Variants in SHISA9 observed in about 807,000 individuals in gnomAD.
SHISA9 encodes the protein protein shisa-9.
Under a neutral mutation model 38.0 loss-of-function variants are expected in SHISA9, and 13 were observed. The observed-to-expected ratio is 0.34, with a 90% CI of 0.22 to 0.54. The LOEUF is 0.54. Ranked by LOEUF, SHISA9 falls within the 20% of genes least tolerant of loss-of-function variation. The probability of loss-of-function intolerance (pLI) is 0.91; values close to 1 mark genes in which losing one functional copy is unlikely to be tolerated. For missense variants in SHISA9, 538 were observed against 575.8 expected (o/e 0.93, Z 0.67); for synonymous variants, 275 against 242.0 (o/e 1.14, Z -1.27).
intron 2 of SHISA9, among the ~76,000 whole-genome samples, chr16:13,117,586 C>T (rs2074042659): frequency 6.6e-6 from 1 of 152,126 alleles, no homozygotes. Context: ...AGAAGAGAGA[C>T]ATGCAGAGAA....
At chr16:13,206,611 A>G (rs2051066424) in intron 3 of SHISA9, among the ~76,000 whole-genome samples, 1 of 152,232 alleles carries the variant, frequency 6.6e-6, no homozygotes, top group Admixed American at 6.5e-5. Flanking sequence ...TGATCTCTTA[A>G]GATTTCCAGA....
chr16:13,358,298 G>A, the SHISA9 span, among the ~76,000 whole-genome samples: 1 of 152,128 alleles, frequency 6.6e-6, no homozygotes, highest in South Asian at 2.1e-4. Flanking sequence ...GGTTTTGAGT[G>A]AGATACCTGT....
rs1445469357 is a variant in SHISA9 at position 12,908,535 on chromosome 16, C to A, written c.563+5908C>A. On this transcript the variant is annotated intron_variant, in intron 1 of 4. Coordinates refer to ENST00000558583, the MANE Select transcript of SHISA9 (RefSeq NM_001145204.3). ...CAGATTTCTTTCCAAGAGGACGAACCTGCCCCTGGAGAGTGGAGTGTCGGA... is the reference window on the plus strand; with the variant it reads ...CAGATTTCTTTCCAAGAGGACGAACATGCCCCTGGAGAGTGGAGTGTCGGA... The A allele has an allele frequency of 9.7e-6, 15 of 1,551,898 alleles. No individual in the cohort carries two copies. In the Admixed American group the frequency reaches 2.2e-4, roughly 22 times the overall value.
chr16:13,409,041 T>C, the SHISA9 span, among the ~76,000 whole-genome samples: 2 of 152,080 alleles, frequency 1.3e-5, no homozygotes, highest in Non-Finnish European at 2.9e-5. Context: ...AACCCCAGGC[T>C]CCGGAAGCAG....
chr16:13,275,361 A>G, the SHISA9 span, among the ~76,000 whole-genome samples: 2 of 152,128 alleles, frequency 1.3e-5, no homozygotes, highest in African/African-American at 4.8e-5. Flanking sequence ...TGTTTTAGTA[A>G]TTAAGTCTAA....
chr16:13,521,379 T>C, the SHISA9 span, among the ~76,000 whole-genome samples: 2 of 152,232 alleles, frequency 1.3e-5, no homozygotes, highest in African/African-American at 4.8e-5. Flanking sequence ...AAAACCCCTA[T>C]ACTTTATACA....
Position 12,967,183 on chromosome 16 carries a change from GATTAAGAA to G in SHISA9, c.691+50370_691+50377del, listed in dbSNP as rs1444172707. Among the ~76,000 whole-genome samples, 190 of 152,188 alleles carry G rather than the reference GATTAAGAA, an allele frequency of 1.2e-3. 2 individuals carry two copies. Among genetic ancestry groups the G allele is most frequent in the Non-Finnish European group, 4.3e-4 (29 of 68,046 alleles). On this transcript the variant is annotated intron_variant, in intron 2 of 4. Transcript: ENST00000558583. ...CCAAATGTCCATCAATGATAGACTGGATTAAGAAAATGTGGCACATATACGCCATGGAA... is the reference window on the plus strand; with the variant it reads ...CCAAATGTCCATCAATGATAGACTGGAATGTGGCACATATACGCCATGGAA...
At chr16:13,222,453 AC>A (rs1425943120) in intron 4 of SHISA9, among the ~76,000 whole-genome samples, 11 of 152,132 alleles carry the variant, frequency 7.2e-5, no homozygotes, top group Non-Finnish European at 1.2e-4. Flanking sequence ...AAGAGAGGAG[AC>A]CTAGAACAAG....
At chr16:13,339,716 A>G in the SHISA9 span, among the ~76,000 whole-genome samples, 1 of 152,174 alleles carries the variant, frequency 6.6e-6, no homozygotes, top group Non-Finnish European at 1.5e-5. Flanking sequence ...TTTGAGGCCA[A>G]TCTGCTGAGG....
At chr16:13,434,417 A>G in the SHISA9 span, among the ~76,000 whole-genome samples, 4 of 41,798 alleles carry the variant, frequency 9.6e-5, 1 homozygote, top group South Asian at 2.3e-3. Context: ...TAGACAAGCT[A>G]TGTTTTTTTT....
At chr16:13,137,021 A>T (rs1257596280) in intron 2 of SHISA9, among the ~76,000 whole-genome samples, 11 of 152,226 alleles carry the variant, frequency 7.2e-5, no homozygotes, top group Admixed American at 7.2e-4. Flanking sequence ...GAGTAGAATT[A>T]GGAAGTGATG....
chr16:13,501,324 T>A, the SHISA9 span, among the ~76,000 whole-genome samples: 1 of 151,970 alleles, frequency 6.6e-6, no homozygotes, highest in South Asian at 2.1e-4. Flanking sequence ...GATCTAGAGG[T>A]GAACATATGT....
At chr16:13,207,909 A>AG (rs756311042) in intron 3 of SHISA9, among the ~76,000 whole-genome samples, 54 of 152,350 alleles carry the variant, frequency 3.5e-4, no homozygotes, top group Non-Finnish European at 3.8e-4. Context: ...ACCTCCGATA[A>AG]GCAGATTCAT....
chr16:13,438,673 T>G, the SHISA9 span, among the ~76,000 whole-genome samples: 1 of 152,208 alleles, frequency 6.6e-6, no homozygotes, highest in Non-Finnish European at 1.5e-5. Flanking sequence ...CATTTCATTA[T>G]GACTACTGAA....
the SHISA9 span, among the ~76,000 whole-genome samples, chr16:13,392,105 G>A: frequency 3.3e-5 from 5 of 152,126 alleles, no homozygotes; most frequent in Non-Finnish European, 7.3e-5. Flanking sequence ...GGGAGGAAAG[G>A]TATCTTCACC....
chr16:13,191,725 G>C (rs2050887443), intron 2 of SHISA9, among the ~76,000 whole-genome samples: 1 of 152,204 alleles, frequency 6.6e-6, no homozygotes, highest in African/African-American at 2.4e-5. Context: ...TGTGGAGAGA[G>C]AGATGGCTGA....
intron 2 of SHISA9, among the ~76,000 whole-genome samples, chr16:13,003,889 T>TAATAATAAGAAG (rs770958492): frequency 6.9e-5 from 10 of 145,824 alleles, no homozygotes; most frequent in African/African-American, 2.0e-4. Context: ...ATAATAATAA[T>TAATAATAAGAAG]AAGAAGAAGA....
chr16:13,283,725 T>A, the SHISA9 span, among the ~76,000 whole-genome samples: 1 of 151,968 alleles, frequency 6.6e-6, no homozygotes, highest in African/African-American at 2.4e-5. Context: ...AACCATATCA[T>A]CTAGGATGTG....
At chr16:13,249,764 C>G in the SHISA9 span, among the ~76,000 whole-genome samples, 1 of 152,122 alleles carries the variant, frequency 6.6e-6, no homozygotes, top group Non-Finnish European at 1.5e-5. Flanking sequence ...GAAACAAGGT[C>G]TCACTCTGTC....
Sources: gnomAD v4.1 joint callset for allele counts (sites outside exome capture counted in the v4.1 genomes callset) on GRCh38, gnomAD v4.1.1 for gene constraint, MANE v1.5 for transcripts, NCBI Gene and HGNC (gene_info 2026-07-23, HGNC 2026-07-21) for gene names.